ROBO1: variants seen among roughly 807,000 people sequenced by gnomAD.
ROBO1 encodes the protein roundabout homolog 1.
A neutral mutation model predicts 195.9 loss-of-function variants in ROBO1; 149 were observed. The observed-to-expected ratio is 0.76, with a 90% CI of 0.67 to 0.87. The LOEUF is 0.87. Ranked by LOEUF, ROBO1 falls within the 40% of genes least tolerant of loss-of-function variation. The pLI, the probability that ROBO1 is intolerant of heterozygous loss-of-function variation, is 0.00. For synonymous variants in ROBO1, 816 were observed against 733.2 expected, an observed-to-expected ratio of 1.11 and a Z score of -1.82; for missense variants, 1,933 against 2,068.3, an observed-to-expected ratio of 0.93 and a Z score of 1.27.
At chr3:79,590,509 T>C (rs1473517711) in intron 1 of ROBO1, among the ~76,000 whole-genome samples, 3 of 151,744 alleles carry the variant, frequency 2.0e-5, no homozygotes, top group Non-Finnish European at 4.4e-5. Context: ...CAGAGAAACA[T>C]AAGCTAGTGT....
intron 2 of ROBO1, among the ~76,000 whole-genome samples, chr3:79,409,059 A>G (rs1331765284): frequency 6.6e-6 from 1 of 152,128 alleles, no homozygotes; most frequent in Non-Finnish European, 1.5e-5. Context: ...AAGAAACAGG[A>G]CAAATTATAA....
chr3:79,743,575 C>A (rs1334454536), intron 1 of ROBO1, among the ~76,000 whole-genome samples: 3 of 152,128 alleles, frequency 2.0e-5, no homozygotes, highest in Non-Finnish European at 2.9e-5. Context: ...AATAAATTAA[C>A]CTTACCTTAC....
At chr3:78,895,916 A>C (rs1440005595) in intron 4 of ROBO1, among the ~76,000 whole-genome samples, 1 of 152,240 alleles carries the variant, frequency 6.6e-6, no homozygotes, top group Non-Finnish European at 1.5e-5. Context: ...CTTTTGTTGT[A>C]CACTTAGAAG....
At chr3:78,807,232 G>A (rs2084573540) in intron 4 of ROBO1, among the ~76,000 whole-genome samples, 1 of 152,156 alleles carries the variant, frequency 6.6e-6, no homozygotes, top group Non-Finnish European at 1.5e-5. Context: ...AGAACAGAAG[G>A]AAATTGTATT....
At chr3:78,613,273 G>C (rs1323322946) in intron 28 of ROBO1, among the ~76,000 whole-genome samples, 1 of 152,044 alleles carries the variant, frequency 6.6e-6, no homozygotes, top group Non-Finnish European at 1.5e-5. Context: ...TTACATCCAG[G>C]CTTGATGTTT....
intron 3 of ROBO1, among the ~76,000 whole-genome samples, chr3:79,109,702 T>C (rs1576684040): frequency 6.6e-6 from 1 of 152,234 alleles, no homozygotes; most frequent in Non-Finnish European, 1.5e-5. Context: ...ACTAACCGAA[T>C]AGCACTAGAA....
At chr3:78,856,704 G>A (rs2034464999) in intron 4 of ROBO1, among the ~76,000 whole-genome samples, 1 of 150,956 alleles carries the variant, frequency 6.6e-6, no homozygotes, top group Non-Finnish European at 1.5e-5. Context: ...TATATTTTAT[G>A]TTTAGTACAT....
chr3:78,949,064 T>A, intron 3 of ROBO1, among the ~76,000 whole-genome samples: 1 of 144,170 alleles, frequency 6.9e-6, no homozygotes, highest in African/African-American at 2.6e-5. Context: ...AGAATCAATA[T>A]CGTGAAAATG....
At chr3:79,673,960 A>G (rs954265629) in intron 1 of ROBO1, among the ~76,000 whole-genome samples, 1 of 152,030 alleles carries the variant, frequency 6.6e-6, no homozygotes, top group African/African-American at 2.4e-5. Flanking sequence ...ATTACCAACC[A>G]AATTAAAATT....
chr3:79,395,276 C>T (rs564339182), intron 2 of ROBO1, among the ~76,000 whole-genome samples: 2 of 147,328 alleles, frequency 1.4e-5, no homozygotes, highest in South Asian at 4.3e-4. Flanking sequence ...GAGCCGAGAT[C>T]CCGCCACTGT....
At chr3:79,362,879 A>G (rs1177205887) in intron 2 of ROBO1, among the ~76,000 whole-genome samples, 2 of 152,138 alleles carry the variant, frequency 1.3e-5, no homozygotes, top group African/African-American at 4.8e-5. Context: ...AGTTCTTCAT[A>G]GCCCGGGAGA....
intron 1 of ROBO1, among the ~76,000 whole-genome samples, chr3:79,755,732 T>C (rs1371015576): frequency 6.6e-6 from 1 of 152,156 alleles, no homozygotes; most frequent in African/African-American, 2.4e-5. Flanking sequence ...GCTCTCACCA[T>C]CACTACAAGA....
At chr3:79,030,520 G>A (rs542679452) in intron 3 of ROBO1, among the ~76,000 whole-genome samples, 3 of 152,178 alleles carry the variant, frequency 2.0e-5, no homozygotes, top group Non-Finnish European at 4.4e-5. Flanking sequence ...TTTGGGTACA[G>A]TTAGGCTCTA....
chr3:79,643,823 G>A (rs1425224598), intron 1 of ROBO1, among the ~76,000 whole-genome samples: 1 of 152,090 alleles, frequency 6.6e-6, no homozygotes, highest in Non-Finnish European at 1.5e-5. Flanking sequence ...GAAAAGAAGA[G>A]AGGAGGCATG....
intron 19 of ROBO1, among the ~76,000 whole-genome samples, chr3:78,648,292 T>C (rs1332179493): frequency 1.3e-5 from 2 of 152,124 alleles, no homozygotes; most frequent in Admixed American, 1.3e-4. Context: ...ATCACATAAC[T>C]GACATTTTTT....
chr3:78,862,271 T>C (rs1178479660), intron 4 of ROBO1, among the ~76,000 whole-genome samples: 2 of 151,960 alleles, frequency 1.3e-5, no homozygotes, highest in Non-Finnish European at 2.9e-5. Context: ...AGGCAATCTT[T>C]AGGGAGAAAA....
At chr3:78,637,768 C>T (rs773097845) in intron 22 of ROBO1, among the ~76,000 whole-genome samples, 4 of 152,216 alleles carry the variant, frequency 2.6e-5, no homozygotes, top group East Asian at 1.9e-4. Context: ...CACATGGATA[C>T]GTCACATCCA....
At chr3:79,185,280 T>C (rs2081417608) in intron 2 of ROBO1, among the ~76,000 whole-genome samples, 1 of 152,028 alleles carries the variant, frequency 6.6e-6, no homozygotes, top group South Asian at 2.1e-4. Context: ...TAGTAACTGA[T>C]TTTTTTTATA....
chr3:78,598,046 C>T lies in ROBO1; in HGVS notation c.*867G>A, dbSNP rs997187189. 1 of 151,742 alleles carries T rather than the reference C, an allele frequency of 6.6e-6. No individual in the cohort carries two copies. Among genetic ancestry groups the T allele is most frequent in the African/African-American group, 2.4e-5 (1 of 41,130 alleles). 9.4% of individuals were successfully genotyped at this position (151,742 alleles called of 1,614,324 possible). ...GTGGCACTTCTGAAAGTTGAACTGA[C>T]ACTACCAGAAGAAATTTAGGCCAGT... On this transcript the variant is annotated 3_prime_UTR_variant, in exon 31 of 31. Coordinates refer to ENST00000464233, the MANE Select transcript of ROBO1 (RefSeq NM_002941.4).
Sources: gnomAD v4.1 joint callset for allele counts (sites outside exome capture counted in the v4.1 genomes callset) on GRCh38, gnomAD v4.1.1 for gene constraint, MANE v1.5 for transcripts, NCBI Gene and HGNC (gene_info 2026-07-23, HGNC 2026-07-21) for gene names.